Variants in TXNRD1 observed in about 807,000 individuals in gnomAD.
The protein encoded by TXNRD1 is thioredoxin reductase 1, also known as thioredoxin reductase 1, cytoplasmic.
In TXNRD1, 57 loss-of-function variants were observed where a neutral mutation model predicts 80.3. The ratio of observed to expected loss-of-function variants is 0.71; its 90% CI spans 0.57 to 0.89. TXNRD1 has a LOEUF of 0.89. Among genes scored for constraint, TXNRD1 ranks in the 40% least tolerant of loss-of-function variants. The pLI is 0.00. For missense variants in TXNRD1, 730 were observed against 803.0 expected, an observed-to-expected ratio of 0.91 and a Z score of 1.10; for synonymous variants, 291 against 285.2, an observed-to-expected ratio of 1.02 and a Z score of -0.20.
intron 3 of TXNRD1, chr12:104,284,431 G>C (rs1483442781): frequency 6.6e-6 from 1 of 152,218 alleles, no homozygotes; most frequent in African/African-American, 2.4e-5. Flanking sequence ...TTAGGTGTTA[G>C]AAAGATCATT....
intron 2 of TXNRD1, among the ~76,000 whole-genome samples, chr12:104,257,403 CTTTTTTTTTTTTT>C (rs57917719): frequency 1.3e-5 from 1 of 76,986 alleles, no homozygotes; most frequent in Non-Finnish European, 2.5e-5. Context: ...TGTTCCAATG[CTTTTTTTTTTTTT>C]TTTTTTTTGA....
intron 2 of TXNRD1, among the ~76,000 whole-genome samples, chr12:104,256,912 CA>C (rs1318050624): frequency 1.6e-4 from 24 of 150,358 alleles, no homozygotes; most frequent in African/African-American, 5.6e-4. Context: ...AGTGTACTTC[CA>C]TACAATAGGA....
intron 7 of TXNRD1, among the ~76,000 whole-genome samples, chr12:104,316,378 T>C (rs893162328): frequency 6.6e-6 from 1 of 152,132 alleles, no homozygotes; most frequent in Admixed American, 6.5e-5. Context: ...ATTGGAATTG[T>C]TAATTTTATT....
intron 5 of TXNRD1, 145 bp from the exon 6 acceptor site, chr12:104,313,100 A>G (rs1808831006): frequency 1.7e-6 from 1 of 575,192 alleles, no homozygotes; most frequent in Non-Finnish European, 3.1e-6. Context: ...TTAACTAATC[A>G]TCATGGTGTG....
In TXNRD1 at chr12:104,332,909, C is replaced by T. The variant is rs146482822; in HGVS notation, c.1650+1268C>T. ...TTCTTTTTCTCTAAATATTTTGATG[C>T]GTTTTTATATTTTATGTATATATAT... On this transcript the variant is annotated intron_variant, in intron 14 of 16. Coordinates refer to ENST00000525566, the MANE Select transcript of TXNRD1 (RefSeq NM_001093771.3). 5.5e-3 allele frequency among the ~76,000 whole-genome samples: 830 copies of T among 150,550 alleles called. 22 individuals are homozygous for T. In the South Asian group the frequency reaches 0.076, roughly 14 times the overall value.
chr12:104,237,036 G>A (rs1042379210), intron 1 of TXNRD1, among the ~76,000 whole-genome samples: 1 of 151,872 alleles, frequency 6.6e-6, no homozygotes, highest in Non-Finnish European at 1.5e-5. Flanking sequence ...ACTCCGTTCT[G>A]GGGGGGTTGG....
At chr12:104,309,595 G>A (rs190381630) in intron 4 of TXNRD1, among the ~76,000 whole-genome samples, 45 of 152,264 alleles carry the variant, frequency 3.0e-4, no homozygotes, top group African/African-American at 1.0e-3. Context: ...AAAAATGATT[G>A]TATGTTATTT....
Position 104,319,019 on chromosome 12 carries a change from T to C in TXNRD1, c.837T>C (p.Asn279=). 1 of 1,613,894 alleles carries C rather than the reference T, an allele frequency of 6.2e-7. No individual in the cohort carries two copies. The highest frequency in any genetic ancestry group is 8.5e-7 in the Non-Finnish European group (1 of 1,179,870). ...GGGAGAAAAAAGTCGTCTATGAGAA[T>C]GCTTATGGGCAATTTATTGGTCCTC... ...ALREKKVVYE[N]AYGQFIGPHR... Residue 279 remains asparagine, a synonymous_variant, in exon 8 of 17, where the codon AAT becomes AAC. Coordinates refer to ENST00000525566, the MANE Select transcript of TXNRD1 (RefSeq NM_001093771.3).
intron 1 of TXNRD1, among the ~76,000 whole-genome samples, chr12:104,233,328 A>G (rs1375178222): frequency 6.6e-6 from 1 of 152,190 alleles, no homozygotes; most frequent in African/African-American, 2.4e-5. Context: ...TTGAAGAGGA[A>G]CTTTTTACTT....
At chr12:104,328,774 A>G (rs183955101) in intron 13 of TXNRD1, among the ~76,000 whole-genome samples, 4,039 of 151,774 alleles carry the variant, frequency 0.027, 82 homozygotes, top group Middle Eastern at 0.082. Flanking sequence ...AAAAAAAAAA[A>G]AAAAAGGAAA....
chr12:104,307,487 TTA>T (rs2034965538), intron 4 of TXNRD1, among the ~76,000 whole-genome samples: 3 of 152,348 alleles, frequency 2.0e-5, no homozygotes, highest in Admixed American at 2.0e-4. Flanking sequence ...CTAACATGCA[TTA>T]TCTTTCTTAA....
chr12:104,271,184 T>TTTC (rs2033644435), intron 3 of TXNRD1, among the ~76,000 whole-genome samples: 1 of 24,150 alleles, frequency 4.1e-5, no homozygotes, highest in African/African-American at 4.8e-4. Flanking sequence ...TAGTTCTTTC[T>TTTC]TTTTTTTTTT....
intron 4 of TXNRD1, among the ~76,000 whole-genome samples, chr12:104,306,055 C>T (rs1367581346): frequency 1.3e-5 from 2 of 152,104 alleles, no homozygotes; most frequent in Non-Finnish European, 2.9e-5. Context: ...AGGTGTGTGC[C>T]ATCACACCCA....
chr12:104,231,671 T>G (rs192943833), intron 1 of TXNRD1, among the ~76,000 whole-genome samples: 117 of 152,310 alleles, frequency 7.7e-4, no homozygotes, highest in Non-Finnish European at 1.6e-4. Flanking sequence ...AATTTCCCTC[T>G]GGGGGGTGTC....
At chr12:104,228,069 G>A (rs1430503180) in intron 1 of TXNRD1, among the ~76,000 whole-genome samples, 1 of 152,034 alleles carries the variant, frequency 6.6e-6, no homozygotes. Context: ...TTGGGAAGCC[G>A]AGCGGGGCAG....
intron 6 of TXNRD1, among the ~76,000 whole-genome samples, chr12:104,314,636 C>T (rs762369373): frequency 9.2e-5 from 14 of 151,828 alleles, no homozygotes; most frequent in Non-Finnish European, 1.2e-4. Context: ...GATACTAAAC[C>T]TATTTTTAGG....
rs369162133 is a variant in TXNRD1 at position 104,348,466 on chromosome 12, G to A, written c.*45G>A. 48 of 1,597,356 alleles carry A rather than the reference G, an allele frequency of 3.0e-5. 1 individual carries two copies. The East Asian group carries it at 4.7e-4, about 16-fold the overall frequency. ...TGCCAAGACTGCAAACCACTGGCTC[G>A]TTTCCGTGCCCAAATCCAAGGCGAA... is the stretch of plus-strand genomic sequence containing the variant. On this transcript the variant is annotated 3_prime_UTR_variant, in exon 17 of 17. Transcript: ENST00000525566.
chr12:104,232,365 A>C (rs1479004845), intron 1 of TXNRD1, among the ~76,000 whole-genome samples: 1 of 152,162 alleles, frequency 6.6e-6, no homozygotes, highest in Non-Finnish European at 1.5e-5. Context: ...GATCAAGACT[A>C]TCCTGGCCAA....
chr12:104,228,812 C>T (rs1398461615), intron 1 of TXNRD1, among the ~76,000 whole-genome samples: 10 of 151,796 alleles, frequency 6.6e-5, no homozygotes, highest in Non-Finnish European at 8.8e-5. Context: ...CTCCGCCTCC[C>T]GGGTTCACGC....
Sources: allele counts gnomAD v4.1 joint callset (sites outside exome capture counted in the v4.1 genomes callset), GRCh38; gene constraint gnomAD v4.1.1; transcripts MANE v1.5; gene names NCBI Gene and HGNC (gene_info 2026-07-23, HGNC 2026-07-21).